The following CACNB2 variants were observed in gnomAD, a reference collection of about 807,000 sequenced individuals.
CACNB2 encodes the protein calcium voltage-gated channel auxiliary subunit beta 2.
A neutral mutation model predicts 73.3 loss-of-function variants in CACNB2; 42 were observed. That is an observed-to-expected ratio of 0.57 (90% confidence interval 0.45 to 0.74). The LOEUF is 0.74. CACNB2 is among the 30% of genes least tolerant of loss of function. The pLI, the probability that CACNB2 is intolerant of heterozygous loss-of-function variation, is 0.00. For synonymous variants in CACNB2, 348 were observed against 310.3 expected (o/e 1.12, Z -1.28); for missense variants, 940 against 853.0 (o/e 1.10, Z -1.27).
At chr10:18,341,938 G>T (rs1211258950) in intron 2 of CACNB2, among the ~76,000 whole-genome samples, 1 of 152,070 alleles carries the variant, frequency 6.6e-6, no homozygotes, top group East Asian at 1.9e-4. Flanking sequence ...TTGCTGAGTT[G>T]GCCCTCATTA....
At chr10:18,418,613 C>G (rs2045137724) in intron 3 of CACNB2, among the ~76,000 whole-genome samples, 1 of 152,236 alleles carries the variant, frequency 6.6e-6, no homozygotes, top group Non-Finnish European at 1.5e-5. Context: ...CAACCACTCA[C>G]AGACTGCTAA....
chr10:18,169,184 G>A (rs1262664149), intron 2 of CACNB2, among the ~76,000 whole-genome samples: 1 of 139,610 alleles, frequency 7.2e-6, no homozygotes, highest in Non-Finnish European at 1.5e-5. Context: ...TTATATTTTT[G>A]GCATATATAT....
At position 18,539,740 on chromosome 10, in the gene CACNB2, G is replaced by GCTTTTTT; in HGVS notation, c.*16_*17insCTTTTTT. On this transcript the variant is annotated 3_prime_UTR_variant, in exon 14 of 14. Coordinates refer to ENST00000324631, the MANE Select transcript of CACNB2 (RefSeq NM_201596.3). ...CCGCCAATGAGTTTTGCCCGTTTGT[G>GCTTTTTT]TTTTTTTTTTTTTTTTTTTGAAGTC... 6.9e-7 allele frequency: 1 copy of GCTTTTTT among 1,448,634 alleles called. No individual in the cohort carries two copies. Among genetic ancestry groups the GCTTTTTT allele is most frequent in the Non-Finnish European group, 9.3e-7 (1 of 1,077,642 alleles). 89.7% of individuals were successfully genotyped at this position (1,448,634 alleles called of 1,614,324 possible). A position where few individuals can be genotyped will look rare whatever the true frequency, so the allele number is the denominator to read the frequency against.
chr10:18,521,764 T>C (rs1048814641), intron 9 of CACNB2, among the ~76,000 whole-genome samples: 3 of 152,222 alleles, frequency 2.0e-5, no homozygotes, highest in Admixed American at 2.0e-4. Context: ...AGTAGGTTAT[T>C]ACAGGGGACC....
chr10:18,491,500 A>G (rs1487322759), intron 3 of CACNB2, among the ~76,000 whole-genome samples: 1 of 152,108 alleles, frequency 6.6e-6, no homozygotes. Flanking sequence ...AGACTGGAGG[A>G]TTATTTGAGC....
intron 3 of CACNB2, among the ~76,000 whole-genome samples, chr10:18,426,760 G>A (rs548116434): frequency 6.3e-4 from 96 of 152,112 alleles, no homozygotes; most frequent in Middle Eastern, 6.8e-3. Context: ...TCATCTTACC[G>A]TACTGGCTAG....
At chr10:18,265,536 G>A (rs1420092859) in intron 2 of CACNB2, among the ~76,000 whole-genome samples, 1 of 152,166 alleles carries the variant, frequency 6.6e-6, no homozygotes, top group Non-Finnish European at 1.5e-5. Flanking sequence ...AACTGGCAAG[G>A]AGAAAAGCAT....
chr10:18,472,221 CTTTTTTTTTTTTTTTTTTTT>C (rs200348808), intron 3 of CACNB2, among the ~76,000 whole-genome samples: 2 of 119,388 alleles, frequency 1.7e-5, no homozygotes, highest in South Asian at 2.4e-4. Context: ...CACTTTTCTT[CTTTTTTTTTTTTTTTTTTTT>C]TTTTTTTTTT....
At chr10:18,250,726 C>T (rs914520915) in intron 2 of CACNB2, among the ~76,000 whole-genome samples, 11 of 152,174 alleles carry the variant, frequency 7.2e-5, no homozygotes, top group Non-Finnish European at 1.6e-4. Flanking sequence ...AAACAAGATC[C>T]ATCTTTGGCT....
intron 2 of CACNB2, among the ~76,000 whole-genome samples, chr10:18,176,882 C>A (rs1038819750): frequency 6.6e-6 from 1 of 151,326 alleles, no homozygotes; most frequent in Non-Finnish European, 1.5e-5. Context: ...AGAAGGTATG[C>A]GGGGAATGAG....
intron 2 of CACNB2, chr10:18,234,332 G>C (rs767113826): frequency 2.0e-5 from 3 of 152,202 alleles, no homozygotes; most frequent in African/African-American, 4.8e-5. Flanking sequence ...AAACAGTATG[G>C]CAGTTCCTCA....
rs1305433093 is a variant in CACNB2, at chr10:18,541,987, G to A, written c.*2263G>A. On this transcript the variant is annotated 3_prime_UTR_variant, in exon 14 of 14. Coordinates refer to ENST00000324631, the MANE Select transcript of CACNB2 (RefSeq NM_201596.3). ...TTCTTAGCCTTTTATAAGTAAAACT[G>A]TTTTACATTTAACTCCTTATTTCCC... 6.6e-6 allele frequency: 1 copy of A among 152,004 alleles called. No individual in the cohort carries two copies. The highest frequency in any genetic ancestry group is 2.4e-5 in the African/African-American group (1 of 41,364). 9.4% of individuals were successfully genotyped at this position (152,004 alleles called of 1,614,324 possible).
intron 5 of CACNB2, among the ~76,000 whole-genome samples, chr10:18,501,890 A>C (rs1330477499): frequency 6.6e-6 from 1 of 152,230 alleles, no homozygotes; most frequent in Non-Finnish European, 1.5e-5. Flanking sequence ...CATTTAGTTC[A>C]GACGGATTCC....
At chr10:18,222,769 T>C (rs890242497) in intron 2 of CACNB2, among the ~76,000 whole-genome samples, 11 of 152,134 alleles carry the variant, frequency 7.2e-5, no homozygotes, top group Non-Finnish European at 4.4e-5. Flanking sequence ...AAACCCTGTC[T>C]CTACTAAAAA....
At chr10:18,507,359 A>G (rs917522308) in intron 6 of CACNB2, among the ~76,000 whole-genome samples, 1 of 152,210 alleles carries the variant, frequency 6.6e-6, no homozygotes, top group Non-Finnish European at 1.5e-5. Flanking sequence ...AACAGTAACT[A>G]CTGTTTTCTT....
intron 2 of CACNB2, among the ~76,000 whole-genome samples, chr10:18,381,231 G>T (rs867379973): frequency 6.6e-6 from 1 of 150,838 alleles, no homozygotes; most frequent in African/African-American, 2.4e-5. Context: ...CATTTTGGCC[G>T]GGTGCGGTGG....
At chr10:18,290,106 C>CTTTTTTTTTTTTTTTTTTTTTTT (rs2038998237) in intron 2 of CACNB2, among the ~76,000 whole-genome samples, 1 of 40,092 alleles carries the variant, frequency 2.5e-5, no homozygotes, top group Admixed American at 2.6e-4. Context: ...TTTCTTTTTT[C>CTTTTTTTTTTTTTTTTTTTTTTT]TTTTTCTTTT....
At chr10:18,495,177 C>T (rs2049715301) in intron 3 of CACNB2, among the ~76,000 whole-genome samples, 1 of 151,058 alleles carries the variant, frequency 6.6e-6, no homozygotes, top group Admixed American at 6.6e-5. Flanking sequence ...ATGTTGTGAA[C>T]CTAAGTATCA....
intron 10 of CACNB2, among the ~76,000 whole-genome samples, chr10:18,531,604 G>C (rs1332869229): frequency 6.6e-6 from 1 of 152,092 alleles, no homozygotes; most frequent in Non-Finnish European, 1.5e-5. Context: ...TTCCACAATG[G>C]TTTAACTAAT....
Sources: allele counts gnomAD v4.1 joint callset (sites outside exome capture counted in the v4.1 genomes callset), GRCh38; gene constraint gnomAD v4.1.1; transcripts MANE v1.5; gene names NCBI Gene and HGNC (gene_info 2026-07-23, HGNC 2026-07-21).